The following CRAMP1 variants were observed in gnomAD, a reference collection of about 807,000 sequenced individuals.
CRAMP1 encodes protein cramped-like.
CRAMP1 carries 50 observed loss-of-function variants against 115.4 expected under a neutral mutation model. The observed-to-expected ratio is 0.43, with a 90% confidence interval of 0.35 to 0.55. The LOEUF (loss-of-function observed/expected upper bound fraction) is 0.55, where lower values mean the gene tolerates loss of function less well. Ranked by LOEUF, CRAMP1 falls within the 20% of genes least tolerant of loss-of-function variation. The pLI, the probability that CRAMP1 is intolerant of heterozygous loss-of-function variation, is 0.01. For synonymous variants in CRAMP1, 866 were observed against 745.4 expected, an observed-to-expected ratio of 1.16 and a Z score of -2.64; for missense variants, 1,679 against 1,721.7, an observed-to-expected ratio of 0.98 and a Z score of 0.44.
chr16:1,671,823 T>C lies in CRAMP1; in HGVS notation c.3645+1014T>C, dbSNP rs1185971812. On this transcript the variant is annotated intron_variant, in intron 20 of 20. Coordinates refer to ENST00000397412, the MANE Select transcript of CRAMP1 (RefSeq NM_020825.4). This position sits in a 1 kb window ranked among gnomAD's most constrained non-coding sequence, Gnocchi z 5.0. The stretch of plus-strand genomic sequence containing the variant: ...AATCGTGACTCTTGAGATGATGAAC[T>C]CATGGGCAGGCTTTGGAGAATTCCA... 6.6e-6 allele frequency among the ~76,000 whole-genome samples: 1 copy of C among 152,232 alleles called. No homozygotes were observed. The highest frequency in any genetic ancestry group is 2.4e-5 in the African/African-American group (1 of 41,464).
At chr16:1,622,491 C>T (rs1425552907) in intron 2 of CRAMP1, among the ~76,000 whole-genome samples, 1 of 152,220 alleles carries the variant, frequency 6.6e-6, no homozygotes, top group Non-Finnish European at 1.5e-5. Flanking sequence ...GCCTGGGTGA[C>T]AGAGCAAGAC....
chr16:1,674,609 AGGGCTGCTGCG>A lies in CRAMP1; in HGVS notation c.*566_*576del. 6.5e-6 allele frequency: 1 copy of A among 154,694 alleles called. No individual in the cohort carries two copies. The highest frequency in any genetic ancestry group is 1.4e-5 in the Non-Finnish European group (1 of 69,592). 9.6% of individuals were successfully genotyped at this position (154,694 alleles called of 1,614,324 possible). ...CAGCAAGAGCATGGATACCGATCACAGGGCTGCTGCGGAGTCGTGGGGCCCTGGGCTGGTGC... is the reference window on the plus strand; with the variant it reads ...CAGCAAGAGCATGGATACCGATCACAGAGTCGTGGGGCCCTGGGCTGGTGC... On this transcript the variant is annotated 3_prime_UTR_variant, in exon 21 of 21. Transcript: ENST00000397412.
At position 1,671,040 on chromosome 16, in the gene CRAMP1, C is replaced by G. The variant is rs1461242506; in HGVS notation, c.3645+231C>G. On this transcript the variant is annotated intron_variant, in intron 20 of 20. Coordinates refer to ENST00000397412, the MANE Select transcript of CRAMP1 (RefSeq NM_020825.4). This position sits in a 1 kb window ranked among gnomAD's most constrained non-coding sequence, Gnocchi z 5.0. ...TGACAGACTTAGTCATAGCTGAGCT[C>G]TGCAGGCCTCTGAACTGGAAACCCT... 1.3e-5 allele frequency among the ~76,000 whole-genome samples: 2 copies of G among 152,190 alleles called. No individual in the cohort carries two copies. The highest frequency in any genetic ancestry group is 2.9e-5 in the Non-Finnish European group (2 of 68,030).
chr16:1,647,238 T>G (rs2036682749), intron 6 of CRAMP1, among the ~76,000 whole-genome samples: 1 of 152,204 alleles, frequency 6.6e-6, no homozygotes, highest in African/African-American at 2.4e-5. Context: ...ATGAATTGAG[T>G]AAAGCTCTAA....
chr16:1,661,703 C>A (rs2036831778), intron 11 of CRAMP1, among the ~76,000 whole-genome samples: 1 of 151,254 alleles, frequency 6.6e-6, no homozygotes, highest in Admixed American at 6.6e-5. Flanking sequence ...TCAAGCGAGT[C>A]TCCTGCCTCA....
At chr16:1,626,348 C>G (rs2036508227) in intron 3 of CRAMP1, among the ~76,000 whole-genome samples, 182 bp downstream of exon 3, 1 of 152,238 alleles carries the variant, frequency 6.6e-6, no homozygotes, top group South Asian at 2.1e-4. Context: ...GTTTTATCTC[C>G]TCATTGAGAT....
chr16:1,657,265 C>A (rs951941726), intron 10 of CRAMP1, among the ~76,000 whole-genome samples: 3 of 152,350 alleles, frequency 2.0e-5, no homozygotes, highest in Non-Finnish European at 4.4e-5. Flanking sequence ...CACTTACGTG[C>A]ACGGTTCCAG....
At chr16:1,640,454 C>G (rs1230369425) in intron 5 of CRAMP1, among the ~76,000 whole-genome samples, 3 of 152,184 alleles carry the variant, frequency 2.0e-5, no homozygotes, top group Non-Finnish European at 4.4e-5. Context: ...GGTTTTCAGC[C>G]TGGTCGTTCG....
chr16:1,619,447 C>T (rs1292069421), intron 2 of CRAMP1, among the ~76,000 whole-genome samples: 1 of 152,160 alleles, frequency 6.6e-6, no homozygotes, highest in African/African-American at 2.4e-5. Context: ...TCCCAAAGTG[C>T]TAGGATTTCA....
intron 2 of CRAMP1, among the ~76,000 whole-genome samples, chr16:1,623,871 G>A (rs2036486154): frequency 6.6e-6 from 1 of 152,240 alleles, no homozygotes; most frequent in South Asian, 2.1e-4. Flanking sequence ...AACATGTCAG[G>A]CATTTGATTA....
At chr16:1,660,538 G>A (rs774008183) in intron 11 of CRAMP1, among the ~76,000 whole-genome samples, 1 of 152,214 alleles carries the variant, frequency 6.6e-6, no homozygotes, top group African/African-American at 2.4e-5. Context: ...CCCCAGCTGC[G>A]TATAGGAAAT....
intron 4 of CRAMP1, among the ~76,000 whole-genome samples, chr16:1,633,650 TGTTGTGGTTAATGTCAG>T (rs2036563936): frequency 6.6e-6 from 1 of 152,242 alleles, no homozygotes; most frequent in African/African-American, 2.4e-5. Context: ...CATCCAAGGC[TGTTGTGGTTAATGTCAG>T]GTTGTGGTGA....
chr16:1,648,302 A>T (rs1364175032), intron 6 of CRAMP1, among the ~76,000 whole-genome samples: 1 of 152,168 alleles, frequency 6.6e-6, no homozygotes, highest in Non-Finnish European at 1.5e-5. Context: ...ACTTCATTGG[A>T]GGAGATTATT....
At chr16:1,645,751 G>A (rs1596489881) in intron 6 of CRAMP1, among the ~76,000 whole-genome samples, 1 of 152,016 alleles carries the variant, frequency 6.6e-6, no homozygotes, top group South Asian at 2.1e-4. Flanking sequence ...CTAGTCTCCC[G>A]CTCTCTCTAG....
chr16:1,663,495 C>G (rs1030098369), intron 13 of CRAMP1, among the ~76,000 whole-genome samples: 4 of 152,174 alleles, frequency 2.6e-5, no homozygotes, highest in Admixed American at 2.0e-4. Flanking sequence ...CTTAGGTGTT[C>G]TTTGTTCAAA....
intron 10 of CRAMP1, among the ~76,000 whole-genome samples, chr16:1,657,779 G>C (rs765425978): frequency 1.3e-5 from 2 of 152,192 alleles, no homozygotes; most frequent in Non-Finnish European, 2.9e-5. Context: ...AGTCCGATAG[G>C]ATCTCTGGGT....
In CRAMP1 at chr16:1,676,496, T is replaced by G. The variant is rs746684898; in HGVS notation, c.*2451T>G. Reference sequence around the variant, plus strand: ...GCAAACATAGGCAACTGTTAAAGGCTGGAATTTTCAAAAGATCCAAACAGA... The same window carrying G: ...GCAAACATAGGCAACTGTTAAAGGCGGGAATTTTCAAAAGATCCAAACAGA... On this transcript the variant is annotated 3_prime_UTR_variant, in exon 21 of 21. Coordinates refer to ENST00000397412, the MANE Select transcript of CRAMP1 (RefSeq NM_020825.4). 6.6e-6 allele frequency: 1 copy of G among 151,740 alleles called. No homozygotes were observed. Among genetic ancestry groups the G allele is most frequent in the Non-Finnish European group, 1.5e-5 (1 of 67,956 alleles). The allele number at this position is 151,740 out of a possible 1,614,324, so 9.4% of individuals were successfully genotyped here. A position where few individuals can be genotyped will look rare whatever the true frequency, so the allele number is the denominator to read the frequency against.
Position 1,614,941 on chromosome 16 carries a change from C to T in CRAMP1, c.302C>T (p.Ala101Val), listed in dbSNP as rs766748223. Residue 101 changes from alanine to valine, a missense_variant, in exon 2 of 21, where the codon GCT (alanine) becomes GTT (valine). By Grantham distance (64) the Ala-to-Val change is moderately conservative (BLOSUM62 0). Coordinates refer to ENST00000397412, the MANE Select transcript of CRAMP1 (RefSeq NM_020825.4). This position sits in a 1 kb window ranked among gnomAD's most constrained non-coding sequence, Gnocchi z 4.4. Reference protein sequence around the residue: ...SKRPRKDPPSAVGSGNAGGSG... With the variant: ...SKRPRKDPPSVVGSGNAGGSG... Reference sequence around the variant, plus strand: ...AGGCCCAGGAAGGATCCTCCGAGCGCTGTGGGGAGCGGCAACGCCGGTGGC... The same window carrying T: ...AGGCCCAGGAAGGATCCTCCGAGCGTTGTGGGGAGCGGCAACGCCGGTGGC... 95 of 1,272,150 alleles carry T rather than the reference C, an allele frequency of 7.5e-5. No individual in the cohort carries two copies. The highest frequency in any genetic ancestry group is 4.1e-5 in the Admixed American group (1 of 24,284). The allele number at this position is 1,272,150 out of a possible 1,614,324, so 78.8% of individuals were successfully genotyped here.
chr16:1,629,340 C>T (rs545489988), intron 3 of CRAMP1, among the ~76,000 whole-genome samples: 34 of 152,348 alleles, frequency 2.2e-4, no homozygotes, highest in Non-Finnish European at 4.3e-4. Context: ...TCTGTGGACG[C>T]TGCAGGTTTC....
Sources: gnomAD v4.1 joint callset for allele counts (sites outside exome capture counted in the v4.1 genomes callset) on GRCh38, gnomAD v4.1.1 for gene constraint, Gnocchi (gnomAD v3.1) non-coding constraint, MANE v1.5 for transcripts, NCBI Gene and HGNC (gene_info 2026-07-23, HGNC 2026-07-21) for gene names.